The following MTIF2 variants were observed in gnomAD, a reference collection of about 807,000 sequenced individuals.
MTIF2 encodes the protein mitochondrial translational initiation factor 2.
MTIF2 carries 71 observed loss-of-function variants against 83.5 expected under a neutral mutation model. The ratio of observed to expected loss-of-function variants is 0.85; its 90% CI spans 0.70 to 1.04. The LOEUF is 1.04. Ranked by LOEUF, MTIF2 falls within the 50% of genes least tolerant of loss-of-function variation. The pLI is 0.00. For synonymous variants in MTIF2, 319 were observed against 287.1 expected (o/e 1.11, Z -1.12); for missense variants, 957 against 846.5 (o/e 1.13, Z -1.62).
chr2:55,254,183 A>C lies in MTIF2; in HGVS notation c.522T>G (p.Ala174=), dbSNP rs370232045. 1 of 1,613,936 alleles carries C rather than the reference A, an allele frequency of 6.2e-7. No homozygotes were observed. The highest frequency in any genetic ancestry group is 1.3e-5 in the African/African-American group (1 of 74,942). Residue 174 remains alanine, a synonymous_variant, in exon 7 of 16, where the codon GCT becomes GCG. Transcript: ENST00000263629. ...DAVRRPQADP[A]LLTPRSPVVT... ...CAACTGGGGACCTTGGGGTTAATAA[A>C]GCTGGATCTGCCTGGGGCCTACAAT...
At chr2:55,237,475 A>G (rs1675935508) in intron 14 of MTIF2, 47 bp from the exon 15 acceptor site, 1 of 1,521,910 alleles carries the variant, frequency 6.6e-7, no homozygotes, top group Non-Finnish European at 8.8e-7. Flanking sequence ...AAAGATTCTG[A>G]TAAATACGTA....
At chr2:55,255,074 C>G (rs556305450) in intron 5 of MTIF2, among the ~76,000 whole-genome samples, 6 of 151,956 alleles carry the variant, frequency 3.9e-5, no homozygotes, top group African/African-American at 1.2e-4. Flanking sequence ...TCTAAGCCAT[C>G]TGAATCATCA....
Position 55,239,898 on chromosome 2 carries a change from A to T in MTIF2, c.1870+113T>A, listed in dbSNP as rs1676171848. The T allele has an allele frequency of 2.9e-5, 27 of 920,532 alleles. No homozygotes were observed. The South Asian group carries it at 6.1e-4, about 21-fold the overall frequency. The allele number at this position is 920,532 out of a possible 1,614,324, so 57.0% of individuals were successfully genotyped here. On this transcript the variant is annotated intron_variant, in intron 14 of 15. Transcript: ENST00000263629. ...CTCATGGTAGTCATTTTTTTCTAGAACACAGGATATATCTTTCAACATTGA... is the reference window on the plus strand; with the variant it reads ...CTCATGGTAGTCATTTTTTTCTAGATCACAGGATATATCTTTCAACATTGA...
At chr2:55,256,334 T>C (rs1677531827) in intron 5 of MTIF2, among the ~76,000 whole-genome samples, 1 of 151,822 alleles carries the variant, frequency 6.6e-6, no homozygotes, top group Admixed American at 6.6e-5. Flanking sequence ...ACACAATATA[T>C]ATCTCTGAAT....
rs1433478506 is a variant in MTIF2 at position 55,244,054 on chromosome 2, TCTC to T, written c.1283_1285del (p.Gly428del). ...CTCAGATTCTACTTCAAGAATTTCT[TCTC>T]CTGCAGAAGGAAGGTCTCTCCAGCC... On this transcript the variant is annotated inframe_deletion, in exon 11 of 16. Coordinates refer to ENST00000263629, the MANE Select transcript of MTIF2 (RefSeq NM_002453.3). 5.6e-6 allele frequency: 9 copies of T among 1,614,082 alleles called. No individual in the cohort carries two copies. The highest frequency in any genetic ancestry group is 5.0e-5 in the Admixed American group (3 of 60,010).
chr2:55,244,240 T>C lies in MTIF2; in HGVS notation c.1107-7A>G, dbSNP rs375923697. The C allele has an allele frequency of 3.6e-5, 57 of 1,596,824 alleles. No individual in the cohort carries two copies. Among genetic ancestry groups the C allele is most frequent in the Non-Finnish European group, 4.6e-5 (54 of 1,165,766 alleles). ...TATAGCTGTAGTAACAAGACTAAAA[T>C]GAAAATAAAAGTATATTTTCAATGT... On this transcript the variant is annotated splice_polypyrimidine_tract_variant and splice_region_variant and intron_variant, in intron 10 of 15. Transcript: ENST00000263629.
chr2:55,257,786 G>A (rs1677656867), intron 5 of MTIF2, among the ~76,000 whole-genome samples: 1 of 152,042 alleles, frequency 6.6e-6, no homozygotes, highest in Non-Finnish European at 1.5e-5. Flanking sequence ...GTGAAGAGTT[G>A]GTTTTGTTTG....
chr2:55,258,538 G>A (rs573598781), intron 5 of MTIF2, among the ~76,000 whole-genome samples: 3 of 151,762 alleles, frequency 2.0e-5, no homozygotes, highest in African/African-American at 4.8e-5. Flanking sequence ...GCGGCTGGGC[G>A]CAGTAGCTCA....
At chr2:55,254,352 T>TAAC in intron 6 of MTIF2, 151 bp from the exon 7 acceptor site, 2 of 875,064 alleles carry the variant, frequency 2.3e-6, no homozygotes, top group Non-Finnish European at 3.4e-6. Flanking sequence ...CCTATACATA[T>TAAC]GACAGACTAT....
chr2:55,267,047 G>A (rs922256149), intron 3 of MTIF2, among the ~76,000 whole-genome samples: 1 of 152,018 alleles, frequency 6.6e-6, no homozygotes, highest in East Asian at 1.9e-4. Flanking sequence ...TGGGATTACA[G>A]GCGTGAGCCA....
At chr2:55,252,208 T>C (rs1444014350) in intron 8 of MTIF2, among the ~76,000 whole-genome samples, 1 of 152,148 alleles carries the variant, frequency 6.6e-6, no homozygotes, top group Non-Finnish European at 1.5e-5. Flanking sequence ...CTGTTTAAAA[T>C]TTCTATGATA....
intron 5 of MTIF2, among the ~76,000 whole-genome samples, chr2:55,256,213 A>G (rs1677518397): frequency 2.0e-5 from 3 of 152,022 alleles, no homozygotes; most frequent in Admixed American, 2.0e-4. Flanking sequence ...TTTGTTGAGT[A>G]GGTGAATTTT....
chr2:55,238,138 G>T (rs1676026899), intron 14 of MTIF2, among the ~76,000 whole-genome samples: 1 of 151,890 alleles, frequency 6.6e-6, no homozygotes, highest in Admixed American at 6.6e-5. Flanking sequence ...CAAGCTCCTG[G>T]GCTCAAGCAG....
Position 55,236,835 on chromosome 2 carries a change from T to G in MTIF2, c.2012-15A>C, listed in dbSNP as rs1675860022. Reference sequence around the variant, plus strand: ...GGTTAATGAGCCTTAAAAAAGATAATTTAAGGTTAGTATATTCAATAAATG... The same window carrying G: ...GGTTAATGAGCCTTAAAAAAGATAAGTTAAGGTTAGTATATTCAATAAATG... On this transcript the variant is annotated splice_polypyrimidine_tract_variant and intron_variant, in intron 15 of 15. Transcript: ENST00000263629. The G allele has an allele frequency of 3.9e-6, 6 of 1,558,020 alleles. No homozygotes were observed. The highest frequency in any genetic ancestry group is 4.3e-6 in the Non-Finnish European group (5 of 1,156,730).
Position 55,237,339 on chromosome 2 carries a change from C to G in MTIF2, c.1960G>C (p.Glu654Gln), listed in dbSNP as rs1166491417. The G allele has an allele frequency of 7.4e-6, 12 of 1,611,744 alleles. No homozygotes were observed. The highest frequency in any genetic ancestry group is 1.0e-5 in the Non-Finnish European group (12 of 1,179,560). Residue 654 changes from glutamate (E) to glutamine (Q), a missense_variant, in exon 15 of 16, where the codon GAA becomes CAA. By Grantham distance (29) the Glu-to-Gln change is conservative. Around this residue, in one of 3 missense-constraint regions of MTIF2, gnomAD observed 221 missense variants for 180.6 expected, o/e 1.22. Coordinates refer to ENST00000263629, the MANE Select transcript of MTIF2 (RefSeq NM_002453.3). Reference sequence around the variant, plus strand: ...GTTAGTTTAAATTTTTTTTGTTTTTCTAACTGTCCCTTTTGGACTCTGCAG... The same window carrying G: ...GTTAGTTTAAATTTTTTTTGTTTTTGTAACTGTCCCTTTTGGACTCTGCAG... ...AGCRVQKGQLEKQKKFKLTRN... is the reference protein window; with the variant it reads ...AGCRVQKGQLQKQKKFKLTRN...
intron 5 of MTIF2, among the ~76,000 whole-genome samples, chr2:55,257,973 G>T (rs377679609): frequency 6.6e-6 from 1 of 152,100 alleles, no homozygotes; most frequent in Non-Finnish European, 1.5e-5. Context: ...TATTTCTTTT[G>T]TAAAGACAAG....
intron 8 of MTIF2, 49 bp from the exon 9 acceptor site, chr2:55,249,583 C>T: frequency 1.3e-6 from 2 of 1,595,494 alleles, no homozygotes; most frequent in African/African-American, 1.3e-5. Flanking sequence ...ACCTTCAATT[C>T]CAGGTATTCA....
intron 5 of MTIF2, among the ~76,000 whole-genome samples, chr2:55,261,046 G>T (rs1677931755): frequency 6.6e-6 from 1 of 151,604 alleles, no homozygotes; most frequent in African/African-American, 2.4e-5. Flanking sequence ...GAGTGCAGTG[G>T]CGCGATCTCG....
At chr2:55,236,919 C>CT in intron 15 of MTIF2, 99 bp from the exon 16 acceptor site, 1 of 1,003,968 alleles carries the variant, frequency 1.0e-6, no homozygotes, top group Non-Finnish European at 1.3e-6. Flanking sequence ...CACTGAAATT[C>CT]TTAAAAATTT....
Sources: allele counts gnomAD v4.1 joint callset (sites outside exome capture counted in the v4.1 genomes callset), GRCh38; gene constraint gnomAD v4.1.1; regional missense constraint gnomAD v4.1.1; transcripts MANE v1.5; gene names NCBI Gene and HGNC (gene_info 2026-07-23, HGNC 2026-07-21).